RBFOX1: variants seen among roughly 807,000 people sequenced by gnomAD.
RBFOX1 encodes RNA binding fox-1 homolog 1, also known as RNA binding protein fox-1 homolog 1.
Under a neutral mutation model 57.7 loss-of-function variants are expected in RBFOX1, and 8 were observed. That is an observed-to-expected ratio of 0.14 (90% CI 0.08 to 0.25). RBFOX1 has a LOEUF of 0.25. RBFOX1 is among the 10% of genes least tolerant of loss of function. The pLI is 1.00. For synonymous variants in RBFOX1, 326 were observed against 222.4 expected, an observed-to-expected ratio of 1.47 and a Z score of -4.15; for missense variants, 611 against 548.5, an observed-to-expected ratio of 1.11 and a Z score of -1.14.
intron 3 of RBFOX1, among the ~76,000 whole-genome samples, chr16:6,877,571 G>GAGTCTTGTGTGTGTGCAAC (rs2153307041): frequency 6.6e-6 from 1 of 152,248 alleles, no homozygotes; most frequent in East Asian, 1.9e-4. Context: ...CACAGCCCCA[G>GAGTCTTGTGTGTGTGCAAC]AGTCTTGTGT....
chr16:7,282,162 C>T (rs553942722), intron 4 of RBFOX1, among the ~76,000 whole-genome samples: 2 of 152,248 alleles, frequency 1.3e-5, no homozygotes, highest in Non-Finnish European at 2.9e-5. Flanking sequence ...TGTACCTGGC[C>T]GACTAAAGCG....
At chr16:6,179,338 C>T (rs2097043086) in intron 1 of RBFOX1, among the ~76,000 whole-genome samples, 1 of 152,158 alleles carries the variant, frequency 6.6e-6, no homozygotes, top group South Asian at 2.1e-4. Flanking sequence ...AGTTCTCTCT[C>T]CCATATCACC....
At chr16:6,527,321 GGTGTGTATGT>G (rs951870399) in intron 2 of RBFOX1, among the ~76,000 whole-genome samples, 59 of 151,954 alleles carry the variant, frequency 3.9e-4, no homozygotes, top group African/African-American at 9.9e-4. Flanking sequence ...TACTAAGAGG[GGTGTGTATGT>G]GTGTGTATGT....
intron 2 of RBFOX1, among the ~76,000 whole-genome samples, chr16:6,581,810 TCTTAG>T (rs1158897034): frequency 6.6e-6 from 1 of 152,220 alleles, no homozygotes; most frequent in African/African-American, 2.4e-5. Flanking sequence ...TGTCCCAGAT[TCTTAG>T]CTTTGGTGTT....
At chr16:7,381,872 T>C (rs943624401) in intron 4 of RBFOX1, among the ~76,000 whole-genome samples, 2 of 152,186 alleles carry the variant, frequency 1.3e-5, no homozygotes, top group Non-Finnish European at 2.9e-5. Context: ...TGGTGGCATC[T>C]CTAGCCTCTC....
intron 4 of RBFOX1, among the ~76,000 whole-genome samples, chr16:7,135,462 G>A (rs2071659414): frequency 2.0e-5 from 3 of 152,202 alleles, no homozygotes; most frequent in Non-Finnish European, 4.4e-5. Flanking sequence ...CCAAGCTACA[G>A]CAAATTAAAG....
intron 3 of RBFOX1, among the ~76,000 whole-genome samples, chr16:6,924,093 C>A (rs1025069049): frequency 6.6e-6 from 1 of 151,848 alleles, no homozygotes; most frequent in Non-Finnish European, 1.5e-5. Flanking sequence ...TCGCTTGAAC[C>A]CGGAGGTGGA....
intron 4 of RBFOX1, among the ~76,000 whole-genome samples, chr16:7,484,089 CAG>C (rs2064749424): frequency 6.6e-6 from 1 of 152,104 alleles, no homozygotes; most frequent in African/African-American, 2.4e-5. Context: ...TCATACTGTG[CAG>C]AGTCTTTTTT....
At chr16:5,960,886 CAG>C (rs1454825366) in intron 4 of RBFOX1, among the ~76,000 whole-genome samples, 1 of 152,172 alleles carries the variant, frequency 6.6e-6, no homozygotes, top group African/African-American at 2.4e-5. Flanking sequence ...AGGCTGTTGA[CAG>C]AGTGTTGACC....
At chr16:7,164,768 A>G (rs777522904) in intron 4 of RBFOX1, among the ~76,000 whole-genome samples, 3 of 152,252 alleles carry the variant, frequency 2.0e-5, no homozygotes, top group Non-Finnish European at 4.4e-5. Context: ...TTAATCAAAA[A>G]TCCACCTTCT....
At chr16:6,575,397 A>T (rs200493808) in intron 2 of RBFOX1, among the ~76,000 whole-genome samples, 1 of 152,162 alleles carries the variant, frequency 6.6e-6, no homozygotes, top group East Asian at 1.9e-4. Context: ...AAGCAAAATG[A>T]CGTGTAACAG....
intron 4 of RBFOX1, among the ~76,000 whole-genome samples, chr16:7,289,429 A>G (rs1287385394): frequency 6.6e-6 from 1 of 152,146 alleles, no homozygotes; most frequent in African/African-American, 2.4e-5. Flanking sequence ...CATCACCATC[A>G]CCATCATCAT....
rs116154229 is a variant in RBFOX1 at position 7,404,401 on chromosome 16, G to A, written c.28-113746G>A. 7.4e-3 allele frequency among the ~76,000 whole-genome samples: 1,124 copies of A among 152,258 alleles called. 20 individuals are homozygous for A. The highest frequency in any genetic ancestry group is 0.026 in the African/African-American group (1,077 of 41,522). On this transcript the variant is annotated intron_variant, in intron 4 of 15. Coordinates refer to ENST00000550418, the MANE Select transcript of RBFOX1 (RefSeq NM_018723.4). ...ACCTTGTAGGTCACTGACCTATCAG[G>A]GACAGGCCTCCAAGCTTCTGACATC...
At chr16:7,217,083 C>G (rs1039577835) in intron 4 of RBFOX1, among the ~76,000 whole-genome samples, 1 of 137,586 alleles carries the variant, frequency 7.3e-6, no homozygotes, top group Non-Finnish European at 1.6e-5. Context: ...CCTCTCCTCC[C>G]CTGTTTCCCT....
chr16:7,000,129 A>G (rs2092655819), intron 3 of RBFOX1, among the ~76,000 whole-genome samples: 1 of 152,030 alleles, frequency 6.6e-6, no homozygotes, highest in African/African-American at 2.4e-5. Flanking sequence ...TTATTTTTAA[A>G]GTTTTCAGTA....
intron 2 of RBFOX1, among the ~76,000 whole-genome samples, chr16:6,330,551 A>G (rs992550708): frequency 1.3e-5 from 2 of 152,192 alleles, no homozygotes; most frequent in African/African-American, 2.4e-5. Flanking sequence ...CTGTCTCACT[A>G]TATCAAGCAG....
chr16:5,493,681 G>C (rs2042909050), intron 2 of RBFOX1, among the ~76,000 whole-genome samples: 1 of 152,194 alleles, frequency 6.6e-6, no homozygotes, highest in African/African-American at 2.4e-5. Flanking sequence ...ATTCTCCCCA[G>C]TGAGGCCATG....
intron 3 of RBFOX1, among the ~76,000 whole-genome samples, chr16:6,929,879 G>T (rs999702704): frequency 6.6e-6 from 1 of 152,096 alleles, no homozygotes; most frequent in Admixed American, 6.5e-5. Context: ...AAAAAACACT[G>T]CTTTAGCCCT....
At chr16:6,362,507 G>A (rs2088758443) in intron 2 of RBFOX1, among the ~76,000 whole-genome samples, 1 of 152,166 alleles carries the variant, frequency 6.6e-6, no homozygotes. Flanking sequence ...GTTGGCACTG[G>A]CTCACGCATT....
Sources: allele counts gnomAD v4.1 joint callset (sites outside exome capture counted in the v4.1 genomes callset), GRCh38; gene constraint gnomAD v4.1.1; transcripts MANE v1.5; gene names NCBI Gene and HGNC (gene_info 2026-07-23, HGNC 2026-07-21).